Variants in MOB3B observed in about 807,000 individuals in gnomAD.
The protein encoded by MOB3B is MOB kinase activator 3B.
A neutral mutation model predicts 18.7 loss-of-function variants in MOB3B; 7 were observed. The ratio of observed to expected loss-of-function variants is 0.37; its 90% CI spans 0.21 to 0.70. The LOEUF (loss-of-function observed/expected upper bound fraction) is 0.70, where lower values mean the gene tolerates loss of function less well. Among genes scored for constraint, MOB3B ranks in the 30% least tolerant of loss-of-function variants. MOB3B has a pLI of 0.52. For missense variants in MOB3B, 253 were observed against 281.3 expected (o/e 0.90, Z 0.72); for synonymous variants, 111 against 99.9 (o/e 1.11, Z -0.66).
At chr9:27,341,886 A>G (rs923706422) in intron 3 of MOB3B, among the ~76,000 whole-genome samples, 21 of 152,154 alleles carry the variant, frequency 1.4e-4, no homozygotes, top group African/African-American at 4.8e-4. Context: ...TATATCAGGG[A>G]CCAGAAAATG....
At chr9:27,524,385 C>G (rs1223161552) in intron 1 of MOB3B, 1 of 1,613,728 alleles carries the variant, frequency 6.2e-7, no homozygotes, top group East Asian at 2.2e-5. Flanking sequence ...GCTTGAGATC[C>G]TTATGGGTAT....
intron 2 of MOB3B, among the ~76,000 whole-genome samples, chr9:27,413,379 T>C (rs1822102146): frequency 6.6e-6 from 1 of 152,028 alleles, no homozygotes; most frequent in Non-Finnish European, 1.5e-5. Context: ...TGAGAGTGAC[T>C]AGAAAAGCCA....
At chr9:27,406,523 T>C (rs1040082847) in intron 2 of MOB3B, among the ~76,000 whole-genome samples, 5 of 152,188 alleles carry the variant, frequency 3.3e-5, no homozygotes, top group African/African-American at 1.2e-4. Context: ...CAGCATGATA[T>C]TGGCATAAAA....
chr9:27,428,166 T>G (rs1256017737), intron 2 of MOB3B, among the ~76,000 whole-genome samples: 1 of 152,146 alleles, frequency 6.6e-6, no homozygotes, highest in Non-Finnish European at 1.5e-5. Context: ...TGCTATGGAC[T>G]AGGCATATCA....
intron 1 of MOB3B, among the ~76,000 whole-genome samples, chr9:27,503,789 TAGAG>T (rs1236214414): frequency 1.3e-5 from 2 of 152,220 alleles, no homozygotes; most frequent in Non-Finnish European, 2.9e-5. Context: ...CATGCTTAGT[TAGAG>T]AGAGCCACCG....
intron 3 of MOB3B, among the ~76,000 whole-genome samples, chr9:27,331,499 A>T (rs1820789935): frequency 6.6e-6 from 1 of 152,144 alleles, no homozygotes; most frequent in Non-Finnish European, 1.5e-5. Flanking sequence ...GGGGCTCTGG[A>T]CATGTCTGTT....
chr9:27,480,423 C>T (rs541712561), intron 1 of MOB3B, among the ~76,000 whole-genome samples: 5 of 152,018 alleles, frequency 3.3e-5, no homozygotes, highest in East Asian at 1.9e-4. Context: ...CCTCAGCCTC[C>T]GGAGTAGCTG....
At chr9:27,452,511 T>C (rs1822804951) in intron 2 of MOB3B, among the ~76,000 whole-genome samples, 1 of 152,180 alleles carries the variant, frequency 6.6e-6, no homozygotes, top group African/African-American at 2.4e-5. Flanking sequence ...AGAAGATGCT[T>C]ATTAAAAGTA....
rs1440209687 is a variant in MOB3B at position 27,329,515 on chromosome 9, G to T, written c.*1072C>A. ...ACATAACGTGGCAGAGGAGTGGGGA[G>T]CGTGGAGTGGGGAGAGAATGACGGC... is the stretch of plus-strand genomic sequence containing the variant. On this transcript the variant is annotated 3_prime_UTR_variant, in exon 4 of 4. Transcript: ENST00000262244. The T allele has an allele frequency of 6.6e-6, 1 of 152,356 alleles. No individual in the cohort carries two copies. Among genetic ancestry groups the T allele is most frequent in the Non-Finnish European group, 1.5e-5 (1 of 68,042 alleles). The allele number at this position is 152,356 out of a possible 1,614,324, so 9.4% of individuals were successfully genotyped here.
chr9:27,409,504 A>G (rs531372929), intron 2 of MOB3B, among the ~76,000 whole-genome samples: 12 of 152,370 alleles, frequency 7.9e-5, no homozygotes, highest in African/African-American at 2.9e-4. Flanking sequence ...TGGTGCAGCC[A>G]CTGTGGAAAA....
intron 3 of MOB3B, among the ~76,000 whole-genome samples, chr9:27,355,845 T>C (rs904003249): frequency 6.6e-6 from 1 of 152,176 alleles, no homozygotes; most frequent in Admixed American, 6.5e-5. Flanking sequence ...ACATAGAATA[T>C]CTGAGCAACT....
chr9:27,340,678 C>T (rs1468161511), intron 3 of MOB3B, among the ~76,000 whole-genome samples: 1 of 152,172 alleles, frequency 6.6e-6, no homozygotes, highest in Admixed American at 6.5e-5. Flanking sequence ...CTGGCTGATG[C>T]ACTGATGGGA....
chr9:27,508,105 T>C (rs1011839151), intron 1 of MOB3B, among the ~76,000 whole-genome samples: 1 of 152,194 alleles, frequency 6.6e-6, no homozygotes, highest in Non-Finnish European at 1.5e-5. Context: ...ACCAAAGGAA[T>C]TCACTTGGGA....
In MOB3B at chr9:27,455,674, T is replaced by C; in HGVS notation, c.-124A>G. ...ACTCAGGCCCCAGTCTTACAGCCTG[T>C]AGCTTTTAAGCTCTTCTAAACAGCC... On this transcript the variant is annotated 5_prime_UTR_variant, in exon 2 of 4. Transcript: ENST00000262244. 1 of 1,533,528 alleles carries C rather than the reference T, an allele frequency of 6.5e-7. No individual in the cohort carries two copies. The highest frequency in any genetic ancestry group is 1.3e-5 in the South Asian group (1 of 76,678). The allele number at this position is 1,533,528 out of a possible 1,614,324, so 95.0% of individuals were successfully genotyped here.
At chr9:27,386,581 G>A (rs1034006163) in intron 2 of MOB3B, among the ~76,000 whole-genome samples, 3 of 152,158 alleles carry the variant, frequency 2.0e-5, no homozygotes, top group East Asian at 1.9e-4. Flanking sequence ...AGATGGAAGC[G>A]CTTTTCAAAG....
intron 2 of MOB3B, among the ~76,000 whole-genome samples, chr9:27,440,929 T>C (rs191732201): frequency 1.3e-5 from 2 of 152,080 alleles, no homozygotes; most frequent in East Asian, 3.9e-4. Flanking sequence ...AGGGTTAGGG[T>C]TGGTTTCAGG....
intron 2 of MOB3B, among the ~76,000 whole-genome samples, chr9:27,454,336 C>A (rs1324985327): frequency 6.6e-6 from 1 of 152,130 alleles, no homozygotes; most frequent in African/African-American, 2.4e-5. Flanking sequence ...TGAGTGTCTA[C>A]AAGGTGGCAG....
At chr9:27,521,603 G>C (rs987883262) in intron 1 of MOB3B, among the ~76,000 whole-genome samples, 2 of 152,124 alleles carry the variant, frequency 1.3e-5, no homozygotes, top group African/African-American at 4.8e-5. Context: ...GTTCTAATTG[G>C]AACAGTTCAA....
intron 2 of MOB3B, among the ~76,000 whole-genome samples, chr9:27,372,989 A>G: frequency 6.6e-6 from 1 of 152,210 alleles, no homozygotes. Flanking sequence ...TAATAAACCA[A>G]CTATTCTAAA....
Sources: gnomAD v4.1 joint callset for allele counts (sites outside exome capture counted in the v4.1 genomes callset) on GRCh38, gnomAD v4.1.1 for gene constraint, MANE v1.5 for transcripts, NCBI Gene and HGNC (gene_info 2026-07-23, HGNC 2026-07-21) for gene names.